Variants in ALK observed in about 807,000 individuals in gnomAD.
ALK encodes the protein ALK receptor tyrosine kinase, also known as ALK tyrosine kinase receptor.
A neutral mutation model predicts 163.1 loss-of-function variants in ALK; 74 were observed. The ratio of observed to expected loss-of-function variants is 0.45; its 90% CI spans 0.38 to 0.55. ALK has a LOEUF of 0.55. ALK is among the 20% of genes least tolerant of loss of function. ALK has a pLI of 0.00. For missense variants in ALK, 2,063 were observed against 2,105.3 expected (o/e 0.98, Z 0.39); for synonymous variants, 960 against 843.2 (o/e 1.14, Z -2.40).
intron 9 of ALK, among the ~76,000 whole-genome samples, chr2:29,293,388 GAC>G (rs1433627032): frequency 6.6e-6 from 1 of 152,114 alleles, no homozygotes; most frequent in Non-Finnish European, 1.5e-5. Flanking sequence ...TGATTTATAA[GAC>G]ACACACAATC....
At chr2:29,720,616 G>A (rs915966122) in intron 1 of ALK, among the ~76,000 whole-genome samples, 3 of 152,120 alleles carry the variant, frequency 2.0e-5, no homozygotes, top group Non-Finnish European at 4.4e-5. Context: ...TTCCAAAATC[G>A]GAAGCATTGG....
intron 1 of ALK, among the ~76,000 whole-genome samples, chr2:29,800,468 C>T (rs1664438741): frequency 6.6e-6 from 1 of 152,170 alleles, no homozygotes; most frequent in Admixed American, 6.5e-5. Flanking sequence ...GGTGTTGGGA[C>T]TATGCAGAGG....
chr2:29,494,567 T>TG (rs1189563679), intron 4 of ALK, among the ~76,000 whole-genome samples: 2 of 152,158 alleles, frequency 1.3e-5, no homozygotes, highest in African/African-American at 4.8e-5. Context: ...ACACAGGTGC[T>TG]GCCCCTTCTG....
chr2:29,872,453 C>G (rs968776010), intron 1 of ALK, among the ~76,000 whole-genome samples: 1 of 152,198 alleles, frequency 6.6e-6, no homozygotes, highest in Non-Finnish European at 1.5e-5. Context: ...TTTAATACAA[C>G]ATCATAGGTT....
intron 16 of ALK, among the ~76,000 whole-genome samples, chr2:29,228,198 A>G (rs956147631): frequency 6.6e-6 from 1 of 152,322 alleles, no homozygotes; most frequent in South Asian, 2.1e-4. Context: ...GGAAAAGAAG[A>G]GCATGTGGTT....
intron 3 of ALK, among the ~76,000 whole-genome samples, chr2:29,661,618 G>A (rs375500854): frequency 8.5e-5 from 13 of 152,150 alleles, no homozygotes; most frequent in African/African-American, 3.1e-4. Context: ...ATCCTATAAG[G>A]TATGACTGTC....
At chr2:29,706,645 G>A (rs1227324681) in intron 2 of ALK, among the ~76,000 whole-genome samples, 4 of 152,286 alleles carry the variant, frequency 2.6e-5, no homozygotes, top group East Asian at 3.9e-4. Flanking sequence ...GTGTGTGTGC[G>A]CACGTGCACA....
At chr2:29,861,885 T>C (rs994395216) in intron 1 of ALK, among the ~76,000 whole-genome samples, 1 of 152,026 alleles carries the variant, frequency 6.6e-6, no homozygotes, top group African/African-American at 2.4e-5. Flanking sequence ...CTCAACAAAA[T>C]ACTAGCAAAA....
chr2:29,867,365 G>A (rs1666461833), intron 1 of ALK, among the ~76,000 whole-genome samples: 1 of 152,166 alleles, frequency 6.6e-6, no homozygotes, highest in Non-Finnish European at 1.5e-5. Flanking sequence ...AACCAAAATA[G>A]TCATTTGCTC....
intron 3 of ALK, among the ~76,000 whole-genome samples, chr2:29,554,609 A>G (rs1178253692): frequency 6.6e-6 from 1 of 152,132 alleles, no homozygotes; most frequent in African/African-American, 2.4e-5. Flanking sequence ...TGTTGGGCCT[A>G]TTGTTTCTTT....
chr2:29,505,526 G>A (rs1388017008), intron 4 of ALK, among the ~76,000 whole-genome samples: 1 of 152,094 alleles, frequency 6.6e-6, no homozygotes, highest in African/African-American at 2.4e-5. Flanking sequence ...GGGGAGCTTA[G>A]GGGGAGTTCT....
chr2:29,619,780 A>G (rs1418811146), intron 3 of ALK, among the ~76,000 whole-genome samples: 1 of 152,212 alleles, frequency 6.6e-6, no homozygotes, highest in Admixed American at 6.5e-5. Flanking sequence ...CAAACAATAC[A>G]TGACAAGGGT....
intron 4 of ALK, among the ~76,000 whole-genome samples, chr2:29,482,078 G>C (rs1443221992): frequency 6.6e-6 from 1 of 152,162 alleles, no homozygotes; most frequent in East Asian, 1.9e-4. Context: ...GTGCAAACCT[G>C]TAGTATATCC....
intron 4 of ALK, among the ~76,000 whole-genome samples, chr2:29,396,637 T>A (rs1669310647): frequency 6.6e-6 from 1 of 152,036 alleles, no homozygotes; most frequent in Admixed American, 6.6e-5. Flanking sequence ...ATTGTGCTAC[T>A]GTACTCCAGC....
At chr2:29,883,880 T>C (rs1666926042) in intron 1 of ALK, among the ~76,000 whole-genome samples, 1 of 152,230 alleles carries the variant, frequency 6.6e-6, no homozygotes, top group African/African-American at 2.4e-5. Context: ...AAGAAAAAGT[T>C]ATGTATGTTA....
rs371035744 is a variant in ALK, at chr2:29,276,435, A to C, written c.1818-939T>G. 6.6e-5 allele frequency among the ~76,000 whole-genome samples: 10 copies of C among 152,326 alleles called. No individual in the cohort carries two copies. The East Asian group carries it at 1.9e-3, about 29-fold the overall frequency. On this transcript the variant is annotated intron_variant, in intron 9 of 28. Coordinates refer to ENST00000389048, the MANE Select transcript of ALK (RefSeq NM_004304.5). ...GGAAATCATCCCATGGAAGGCTAGC[A>C]GAGTCAGCTGGCCCTTTCCTGCTCT...
At position 29,610,595 on chromosome 2, in the gene ALK, T is replaced by C. The variant is rs562946770; in HGVS notation, c.953-78479A>G. Among the ~76,000 whole-genome samples the C allele has an allele frequency of 1.9e-4, 29 of 152,264 alleles. No homozygotes were observed. In the South Asian group the frequency reaches 5.8e-3, roughly 30 times the overall value. ...GCGGCAGATAGGAGAACTTGGTCTG[T>C]TGGAGACAAAGGTTTCTCTCCAGTT... On this transcript the variant is annotated intron_variant, in intron 3 of 28. Transcript: ENST00000389048.
At chr2:29,331,305 C>T (rs937198286) in intron 5 of ALK, among the ~76,000 whole-genome samples, 14 of 152,158 alleles carry the variant, frequency 9.2e-5, no homozygotes, top group Admixed American at 2.6e-4. Context: ...TTGAACAATA[C>T]AGGTTTGGAC....
intron 4 of ALK, among the ~76,000 whole-genome samples, chr2:29,494,539 C>A (rs541209105): frequency 5.9e-5 from 9 of 152,276 alleles, no homozygotes; most frequent in African/African-American, 2.2e-4. Flanking sequence ...GGGGGAGTGA[C>A]AGCTGTAGAT....
Sources: allele counts gnomAD v4.1 joint callset (sites outside exome capture counted in the v4.1 genomes callset), GRCh38; gene constraint gnomAD v4.1.1; transcripts MANE v1.5; gene names NCBI Gene and HGNC (gene_info 2026-07-23, HGNC 2026-07-21).